TBATA: variants seen among roughly 807,000 people sequenced by gnomAD.
TBATA encodes the protein thymus, brain and testes associated.
TBATA carries 47 observed loss-of-function variants against 38.7 expected under a neutral mutation model. The observed-to-expected ratio is 1.21, with a 90% CI of 0.96 to 1.55. The LOEUF (loss-of-function observed/expected upper bound fraction) is 1.55, where lower values mean the gene tolerates loss of function less well. TBATA is among the 40% of genes most tolerant of loss of function. TBATA has a pLI of 0.00. For synonymous variants in TBATA, 183 were observed against 170.5 expected (o/e 1.07, Z -0.57); for missense variants, 436 against 435.6 (o/e 1.00, Z -0.01).
chr10:70,782,516 A>C, intron 3 of TBATA: 1 of 1,276,286 alleles, frequency 7.8e-7, no homozygotes. Flanking sequence ...GTCTTGGCTC[A>C]GACTCAGCGT....
chr10:70,776,168 G>T (rs770965109), intron 7 of TBATA, among the ~76,000 whole-genome samples: 1 of 152,174 alleles, frequency 6.6e-6, no homozygotes, highest in Non-Finnish European at 1.5e-5. Flanking sequence ...GTCCCCAGCA[G>T]GTCGGCCTCA....
intron 9 of TBATA, among the ~76,000 whole-genome samples, chr10:70,773,022 T>C (rs1318042726): frequency 1.3e-5 from 2 of 152,180 alleles, no homozygotes; most frequent in Admixed American, 1.3e-4. Context: ...CCCATGCCTT[T>C]TTATGTGCCC....
At chr10:70,773,715 G>A (rs568572193) in intron 9 of TBATA, among the ~76,000 whole-genome samples, 119 of 152,312 alleles carry the variant, frequency 7.8e-4, no homozygotes, top group African/African-American at 2.4e-3. Context: ...CTAGAAAAAC[G>A]TGGAACACCC....
rs1421699582 is a variant in TBATA at position 70,783,391 on chromosome 10, T to C, written c.-12A>G. On this transcript the variant is annotated 5_prime_UTR_variant, in exon 3 of 11. Transcript: ENST00000456372. ...ACATCTGTAGCCATTGTATGCTTTT[T>C]AACAGACTAAAGGCCAGTGCACTTA... is the stretch of plus-strand genomic sequence containing the variant. The C allele has an allele frequency of 2.5e-6, 4 of 1,613,976 alleles. No homozygotes were observed. The highest frequency in any genetic ancestry group is 3.4e-6 in the Non-Finnish European group (4 of 1,179,952).
chr10:70,774,129 G>T (rs551882872), intron 9 of TBATA, 84 bp downstream of exon 9: 7 of 1,550,028 alleles, frequency 4.5e-6, no homozygotes, highest in Non-Finnish European at 6.1e-6. Context: ...CCTGGTCAGC[G>T]CCAGGCTCCC....
At chr10:70,776,377 G>A (rs893726094) in intron 7 of TBATA, 1 of 456,330 alleles carries the variant, frequency 2.2e-6, no homozygotes, top group Admixed American at 2.3e-5. Flanking sequence ...CAGGTGAGGT[G>A]AGGCCGCCCT....
intron 6 of TBATA, 85 bp downstream of exon 6, chr10:70,778,472 C>A: frequency 7.3e-7 from 1 of 1,363,274 alleles, no homozygotes; most frequent in Non-Finnish European, 1.1e-6. Flanking sequence ...CTCTGGTAGG[C>A]TGAACTGACT....
Position 70,777,323 on chromosome 10 carries a change from C to A in TBATA, c.523G>T (p.Glu175Ter). ...LKKKEQKEQK[E>*]EPLREQGAKY... ...GCCCCCTGCTCCCGCAGAGGCTCCTCCTTCTGCTCCTTCTGCTGGGACAAA... is the reference window on the plus strand; with the variant it reads ...GCCCCCTGCTCCCGCAGAGGCTCCTACTTCTGCTCCTTCTGCTGGGACAAA... Residue 175 changes from glutamate (E) to a stop codon, truncating the protein, a stop_gained, in exon 7 of 11, where the codon GAG becomes TAG. Coordinates refer to ENST00000456372, the MANE Select transcript of TBATA (RefSeq NM_001318241.2). LOFTEE classifies it high-confidence loss of function. 1.2e-6 allele frequency: 2 copies of A among 1,612,754 alleles called. No homozygotes were observed. The highest frequency in any genetic ancestry group is 1.7e-6 in the Non-Finnish European group (2 of 1,179,392).
Position 70,779,591 on chromosome 10 carries a change from A to C in TBATA, c.427+2T>G, listed in dbSNP as rs763920297. The C allele has an allele frequency of 2.4e-5, 36 of 1,488,590 alleles. No homozygotes were observed. Among genetic ancestry groups the C allele is most frequent in the African/African-American group, 4.4e-5 (3 of 67,822 alleles). 92.2% of individuals were successfully genotyped at this position (1,488,590 alleles called of 1,614,324 possible). On this transcript the variant is annotated splice_donor_variant, in intron 5 of 10. Coordinates refer to ENST00000456372, the MANE Select transcript of TBATA (RefSeq NM_001318241.2). LOFTEE classifies it high-confidence loss of function. Reference sequence around the variant, plus strand: ...AGAGGGAGGCATGGCCCAAGTACCCACCAGAAGAAAGCTGGGGGTTCCGAT... The same window carrying C: ...AGAGGGAGGCATGGCCCAAGTACCCCCCAGAAGAAAGCTGGGGGTTCCGAT...
At position 70,783,486 on chromosome 10, in the gene TBATA, T is replaced by A; in HGVS notation, c.-107A>T. 7.7e-7 allele frequency: 1 copy of A among 1,291,598 alleles called. No individual in the cohort carries two copies. The highest frequency in any genetic ancestry group is 1.1e-6 in the Non-Finnish European group (1 of 899,540). The allele number at this position is 1,291,598 out of a possible 1,614,324, so 80.0% of individuals were successfully genotyped here. On this transcript the variant is annotated 5_prime_UTR_variant, in exon 3 of 11. Transcript: ENST00000456372. ...AGTGTTGAGGATGCAGAACAGGAAC[T>A]CTCACGAACTGGTGGTGGAAGTGTA...
chr10:70,778,360 C>T (rs1564587595), intron 6 of TBATA, among the ~76,000 whole-genome samples, 197 bp downstream of exon 6: 1 of 152,124 alleles, frequency 6.6e-6, no homozygotes. Flanking sequence ...CCAAGTGCCT[C>T]CTGTCCTAAA....
chr10:70,778,854 C>T (rs1490287886), intron 5 of TBATA: 3 of 639,342 alleles, frequency 4.7e-6, no homozygotes, highest in Non-Finnish European at 2.8e-6. Flanking sequence ...TGGGGCATTG[C>T]TTTCCTTCTA....
At chr10:70,782,169 C>T in intron 3 of TBATA, 133 bp from the exon 4 acceptor site, 1 of 1,238,992 alleles carries the variant, frequency 8.1e-7, no homozygotes, top group Non-Finnish European at 1.1e-6. Context: ...GGTTTCACCA[C>T]CACCCCCATA....
intron 2 of TBATA, among the ~76,000 whole-genome samples, chr10:70,784,265 G>T (rs963150041): frequency 1.3e-5 from 2 of 152,124 alleles, no homozygotes; most frequent in African/African-American, 4.8e-5. Context: ...CAGGAGAAGC[G>T]CATATAAGGA....
In TBATA at chr10:70,774,207, G is replaced by C. The variant is rs1554826841; in HGVS notation, c.920+6C>G. On this transcript the variant is annotated splice_donor_region_variant and intron_variant, in intron 9 of 10. Transcript: ENST00000456372. The stretch of plus-strand genomic sequence containing the variant: ...GCAGAAGGGCAGGGCGGGGTGCGGG[G>C]CCCACCTGCAGGGTGGCTCTTGCTT... 6.2e-7 allele frequency: 1 copy of C among 1,611,564 alleles called. No homozygotes were observed. Among genetic ancestry groups the C allele is most frequent in the South Asian group, 1.1e-5 (1 of 89,924 alleles).
At position 70,783,869 on chromosome 10, in the gene TBATA, A is replaced by G. The variant is rs562075306; in HGVS notation, c.-146-344T>C. Among the ~76,000 whole-genome samples the G allele has an allele frequency of 5.2e-4, 79 of 152,344 alleles. No individual in the cohort carries two copies. The South Asian group carries it at 0.016, about 31-fold the overall frequency. ...TGGTTTTGCGATGTTATATTTATGC[A>G]ATCTTATTAACTCAATTTACTTTTT... On this transcript the variant is annotated intron_variant, in intron 2 of 10. Transcript: ENST00000456372.
chr10:70,783,430 G>A lies in TBATA; in HGVS notation c.-51C>T, dbSNP rs1310236367. ...CCAGTGCACTTAATACTAGCGTTGA[G>A]GATGCAGAACAGGAACTCTCACTTA... On this transcript the variant is annotated 5_prime_UTR_variant, in exon 3 of 11. Transcript: ENST00000456372. 1.9e-6 allele frequency: 3 copies of A among 1,599,036 alleles called. No homozygotes were observed. Among genetic ancestry groups the A allele is most frequent in the African/African-American group, 2.7e-5 (2 of 74,658 alleles).
At chr10:70,781,741 A>G in intron 4 of TBATA, 60 bp downstream of exon 4, 1 of 1,472,332 alleles carries the variant, frequency 6.8e-7, no homozygotes, top group Non-Finnish European at 9.4e-7. Context: ...CTTGCTTCCC[A>G]GTTCTCAAGA....
Position 70,781,902 on chromosome 10 carries a change from G to A in TBATA, c.176C>T (p.Pro59Leu), listed in dbSNP as rs369673908. The A allele has an allele frequency of 1.9e-6, 3 of 1,614,192 alleles. No individual in the cohort carries two copies. Among genetic ancestry groups the A allele is most frequent in the Non-Finnish European group, 2.5e-6 (3 of 1,180,016 alleles). Residue 59 changes from proline (P) to leucine (L), a missense_variant, in exon 4 of 11, where the codon CCA (proline) becomes CTA (leucine). Coordinates refer to ENST00000456372, the MANE Select transcript of TBATA (RefSeq NM_001318241.2). The stretch of plus-strand genomic sequence containing the variant: ...GTAGGTGCCAGGGGTTTGGGGCTTT[G>A]GGGTCCTCAATGCCCGGCGGATCCG... The part of the protein sequence containing the change: ...FERIRRALRT[P>L]KPQTPGTYCF...
Sources: gnomAD v4.1 joint callset for allele counts (sites outside exome capture counted in the v4.1 genomes callset) on GRCh38, gnomAD v4.1.1 for gene constraint, MANE v1.5 for transcripts, NCBI Gene and HGNC (gene_info 2026-07-23, HGNC 2026-07-21) for gene names.